Variants in AATK observed in about 807,000 individuals in gnomAD.
AATK encodes the protein serine/threonine-protein kinase LMTK1.
A neutral mutation model predicts 114.3 loss-of-function variants in AATK; 91 were observed. The observed-to-expected ratio is 0.80, with a 90% CI of 0.67 to 0.95. AATK has a LOEUF of 0.95. AATK is among the 40% of genes least tolerant of loss of function. AATK has a pLI of 0.00. For synonymous variants in AATK, 1,075 were observed against 916.5 expected, an observed-to-expected ratio of 1.17 and a Z score of -3.12; for missense variants, 2,176 against 1,965.2, an observed-to-expected ratio of 1.11 and a Z score of -2.03.
chr17:81,165,880 C>G (rs2061483382), intron 1 of AATK, 58 bp downstream of exon 1: 1 of 1,548,238 alleles, frequency 6.5e-7, no homozygotes, highest in Non-Finnish European at 8.7e-7. Context: ...GGCCCAGGGG[C>G]ATCACGTCCG....
In AATK at chr17:81,127,778, C is replaced by A; in HGVS notation, c.533+14G>T. 6.7e-7 allele frequency: 1 copy of A among 1,503,372 alleles called. No homozygotes were observed. Among genetic ancestry groups the A allele is most frequent in the Non-Finnish European group, 9.0e-7 (1 of 1,105,830 alleles). The allele number at this position is 1,503,372 out of a possible 1,614,324, so 93.1% of individuals were successfully genotyped here. A position where few individuals can be genotyped will look rare whatever the true frequency, so the allele number is the denominator to read the frequency against. The stretch of plus-strand genomic sequence containing the variant: ...GCCGCACAGCACAGGCCTTTGTGCC[C>A]GGTGGCCTCCCACCTGTAGGGCTGC... On this transcript the variant is annotated intron_variant, in intron 5 of 13. Transcript: ENST00000326724.
chr17:81,123,876 C>A (rs1452884805), intron 9 of AATK, among the ~76,000 whole-genome samples: 1 of 152,166 alleles, frequency 6.6e-6, no homozygotes, highest in East Asian at 1.9e-4. Flanking sequence ...CTTCACCCAG[C>A]CACTTTGGTC....
Position 81,119,362 on chromosome 17 carries a change from G to GC in AATK, c.4084+17dup. On this transcript the variant is annotated intron_variant, in intron 13 of 13. Coordinates refer to ENST00000326724, the MANE Select transcript of AATK (RefSeq NM_001080395.3). ...GCCTCCCGCGTGCCCTTCTGCCACA[G>GC]CCCCGCCCAGGCCTCACCTCTCTTG... 1 of 1,558,904 alleles carries GC rather than the reference G, an allele frequency of 6.4e-7. No individual in the cohort carries two copies. The highest frequency in any genetic ancestry group is 8.6e-7 in the Non-Finnish European group (1 of 1,159,766).
chr17:81,118,241 A>AT lies in AATK; in HGVS notation c.*160dup. 2 of 673,406 alleles carry AT rather than the reference A, an allele frequency of 3.0e-6. No homozygotes were observed. Among genetic ancestry groups the AT allele is most frequent in the Middle Eastern group, 4.0e-4 (1 of 2,472 alleles). 41.7% of individuals were successfully genotyped at this position (673,406 alleles called of 1,614,324 possible). ...GCCGATCTACCATCCAGGGCCTCTC[A>AT]TCCCACGGGCTTCTCCAGGACACCG... is the stretch of plus-strand genomic sequence containing the variant. On this transcript the variant is annotated 3_prime_UTR_variant, in exon 14 of 14. Coordinates refer to ENST00000326724, the MANE Select transcript of AATK (RefSeq NM_001080395.3).
chr17:81,139,592 C>T (rs994934073), intron 1 of AATK, among the ~76,000 whole-genome samples: 3 of 151,276 alleles, frequency 2.0e-5, no homozygotes, highest in African/African-American at 7.3e-5. Context: ...CAGGCTCTTC[C>T]AAGCCTGGCC....
chr17:81,161,113 G>A (rs192565207), intron 1 of AATK, among the ~76,000 whole-genome samples: 116 of 152,292 alleles, frequency 7.6e-4, no homozygotes, highest in Admixed American at 2.0e-3. Context: ...TCACCCCTCA[G>A]ACCCAAGGAG....
At chr17:81,129,247 A>G (rs1568229245) in intron 3 of AATK, among the ~76,000 whole-genome samples, 1 of 152,198 alleles carries the variant, frequency 6.6e-6, no homozygotes, top group Non-Finnish European at 1.5e-5. Flanking sequence ...GGCTCCTTCC[A>G]GGGCCTGGAG....
At chr17:81,124,574 G>A (rs1031576444) in intron 9 of AATK, among the ~76,000 whole-genome samples, 153 bp downstream of exon 9, 7 of 152,186 alleles carry the variant, frequency 4.6e-5, no homozygotes, top group East Asian at 1.9e-4. Flanking sequence ...GTGTGGGGTC[G>A]CCACCCAACC....
intron 3 of AATK, among the ~76,000 whole-genome samples, chr17:81,130,752 CT>C (rs1486374857): frequency 2.0e-5 from 3 of 152,202 alleles, no homozygotes; most frequent in African/African-American, 7.2e-5. Context: ...GTGCCCACCC[CT>C]GTCCCTGTGC....
intron 3 of AATK, chr17:81,128,882 T>C: frequency 3.4e-6 from 4 of 1,161,016 alleles, no homozygotes; most frequent in Non-Finnish European, 4.3e-6. Context: ...AGGCAGGCAG[T>C]GTGGCTGAGC....
rs2060667331 is a variant in AATK at position 81,119,677 on chromosome 17, T to TGTCACGGGCCCAGGCCCCGCTCCCACA, written c.3884-98_3884-97insTGTGGGAGCGGGGCCTGGGCCCGTGAC. On this transcript the variant is annotated intron_variant, in intron 12 of 13. Coordinates refer to ENST00000326724, the MANE Select transcript of AATK (RefSeq NM_001080395.3). ...CGGGCCCAGGCCCCGCCTCCCATCATGTCACGGGCCCAGGCCCCGCCTCCC... is the reference window on the plus strand; with the variant it reads ...CGGGCCCAGGCCCCGCCTCCCATCATGTCACGGGCCCAGGCCCCGCTCCCACAGTCACGGGCCCAGGCCCCGCCTCCC... 4 of 547,722 alleles carry TGTCACGGGCCCAGGCCCCGCTCCCACA rather than the reference T, an allele frequency of 7.3e-6. No individual in the cohort carries two copies. In the South Asian group the frequency reaches 1.4e-4, roughly 19 times the overall value. The allele number at this position is 547,722 out of a possible 1,614,324, so 33.9% of individuals were successfully genotyped here. A position where few individuals can be genotyped will look rare whatever the true frequency, so the allele number is the denominator to read the frequency against.
In AATK at chr17:81,121,608, C is replaced by G; in HGVS notation, c.2328G>C (p.Pro776=). 1 of 1,495,402 alleles carries G rather than the reference C, an allele frequency of 6.7e-7. No homozygotes were observed. Among genetic ancestry groups the G allele is most frequent in the Non-Finnish European group, 8.9e-7 (1 of 1,124,146 alleles). 92.6% of individuals were successfully genotyped at this position (1,495,402 alleles called of 1,614,324 possible). The change falls in exon 11 of 14, where the codon CCG becomes CCC. Residue 776 remains proline (P), a synonymous_variant. Coordinates refer to ENST00000326724, the MANE Select transcript of AATK (RefSeq NM_001080395.3). ...TETASSGGDH[P]QAEPKLATEA... ...CCGTGGCAAGCTTGGGCTCTGCCTG[C>G]GGGTGGTCACCCCCACTACTGGCTG...
rs1339937992 is a variant in AATK, at chr17:81,127,831, T to C, written c.494A>G (p.Gln165Arg). 1 of 1,543,232 alleles carries C rather than the reference T, an allele frequency of 6.5e-7. No homozygotes were observed. The highest frequency in any genetic ancestry group is 1.2e-5 in the South Asian group (1 of 83,886). ...CTCCTCCAGGAACTGCATCTGCTCC[T>C]GCACGCTGGCACTAGCCTGCAGCTC... ...VKELQASASV[Q>R]EQMQFLEEVQ... is the part of the protein sequence containing the mutation. The change falls in exon 5 of 14, where the codon CAG becomes CGG. Residue 165 changes from glutamine (Q) to arginine (R), a missense_variant. Gln to Arg is a conservative substitution (Grantham distance 43). Around this residue, in one of 4 missense-constraint regions of AATK, gnomAD observed 273 missense variants for 344.1 expected, o/e 0.79. Transcript: ENST00000326724.
chr17:81,147,151 G>A (rs962604748), intron 1 of AATK, among the ~76,000 whole-genome samples: 7 of 151,188 alleles, frequency 4.6e-5, no homozygotes, highest in African/African-American at 9.7e-5. Context: ...TCACGAAGTC[G>A]GGAGATCGAG....
At position 81,122,257 on chromosome 17, in the gene AATK, TG is replaced by T; in HGVS notation, c.1678del (p.Gln560ArgfsTer58). On this transcript the variant is annotated frameshift_variant, in exon 11 of 14. Transcript: ENST00000326724. LOFTEE classifies it high-confidence loss of function. ...CAPSPPATADQDDDSDGSTAA... is the reference protein window; with the variant it reads ...CAPSPPATADXDDDSDGSTAA... ...GGTGCTGCCGTCAGAGTCGTCGTCC[TG>T]GTCCGCGGTGGCAGGTGGACTGGGG... 6.7e-7 allele frequency: 1 copy of T among 1,491,556 alleles called. No homozygotes were observed. The highest frequency in any genetic ancestry group is 8.9e-7 in the Non-Finnish European group (1 of 1,125,102). 92.4% of individuals were successfully genotyped at this position (1,491,556 alleles called of 1,614,324 possible).
chr17:81,122,118 G>C lies in AATK; in HGVS notation c.1818C>G (p.Pro606=). ...RRSLARDPLC[P]SRSPSPSAGP... ...CCGCCGAGGGCGAGGGAGAGCGTGA[G>C]GGGCAGAGCGGGTCCCGCGCCAAGC... Residue 606 remains proline, a synonymous_variant, in exon 11 of 14, where the codon CCC becomes CCG. Coordinates refer to ENST00000326724, the MANE Select transcript of AATK (RefSeq NM_001080395.3). 1.9e-6 allele frequency: 3 copies of C among 1,548,712 alleles called. No homozygotes were observed. Among genetic ancestry groups the C allele is most frequent in the Non-Finnish European group, 2.6e-6 (3 of 1,150,618 alleles).
Position 81,120,944 on chromosome 17 carries a change from A to G in AATK, c.2992T>C (p.Phe998Leu), listed in dbSNP as rs924700400. Residue 998 changes from phenylalanine to leucine, a missense_variant, in exon 11 of 14, where the codon TTC (phenylalanine) becomes CTC (leucine). This residue lies in a region of AATK where 1,701 missense variants were observed against 1,394.7 expected (regional missense o/e 1.22). Coordinates refer to ENST00000326724, the MANE Select transcript of AATK (RefSeq NM_001080395.3). ...TCGGCCTCAGCCTCGAGGTCTGAGA[A>G]GTAGGCAGAGTCTCGGTAGGGATTC... ...EKNPYRDSAYFSDLEAEAEAT... is the reference protein window; with the variant it reads ...EKNPYRDSAYLSDLEAEAEAT... 6 of 1,607,798 alleles carry G rather than the reference A, an allele frequency of 3.7e-6. No homozygotes were observed. In the African/African-American group the frequency reaches 8.0e-5, roughly 22 times the overall value.
Position 81,119,919 on chromosome 17 carries a change from G to C in AATK, c.3883+17C>G. ...TGCCTCCCGTGACGTCACGGGCCCA[G>C]CCCCGCCCCTGCTCACCCTCTTCCG... On this transcript the variant is annotated intron_variant, in intron 12 of 13. Coordinates refer to ENST00000326724, the MANE Select transcript of AATK (RefSeq NM_001080395.3). 7.0e-7 allele frequency: 1 copy of C among 1,423,646 alleles called. No homozygotes were observed. Among genetic ancestry groups the C allele is most frequent in the Non-Finnish European group, 9.2e-7 (1 of 1,091,250 alleles). The allele number at this position is 1,423,646 out of a possible 1,614,324, so 88.2% of individuals were successfully genotyped here. A position where few individuals can be genotyped will look rare whatever the true frequency, so the allele number is the denominator to read the frequency against.
chr17:81,122,600 A>G lies in AATK; in HGVS notation c.1336T>C (p.Ser446Pro). ...GGVVELAAAS[S>P]FPLLEQFAGD... ...GCGAACTGCTCCAGCAGCGGGAAGG[A>G]CGAGGCAGCGGCGAGCTCCACCACG... The change falls in exon 11 of 14, where the codon TCC becomes CCC. Residue 446 changes from serine (S) to proline (P), a missense_variant. Physicochemically the swap from Ser to Pro is moderately conservative, Grantham distance 74 (BLOSUM62 -1). This residue lies in a region of AATK where 1,701 missense variants were observed against 1,394.7 expected (regional missense o/e 1.22). Transcript: ENST00000326724. The G allele has an allele frequency of 7.0e-7, 1 of 1,432,884 alleles. No individual in the cohort carries two copies. Among genetic ancestry groups the G allele is most frequent in the Non-Finnish European group, 9.2e-7 (1 of 1,083,282 alleles). The allele number at this position is 1,432,884 out of a possible 1,614,324, so 88.8% of individuals were successfully genotyped here.
Sources: allele counts gnomAD v4.1 joint callset (sites outside exome capture counted in the v4.1 genomes callset), GRCh38; gene constraint gnomAD v4.1.1; regional missense constraint gnomAD v4.1.1; transcripts MANE v1.5; gene names NCBI Gene and HGNC (gene_info 2026-07-23, HGNC 2026-07-21).